The following SEMA3A variants were observed in gnomAD, a reference collection of about 807,000 sequenced individuals.
SEMA3A encodes semaphorin 3A.
SEMA3A carries 29 observed loss-of-function variants against 97.9 expected under a neutral mutation model. That is an observed-to-expected ratio of 0.30 (90% CI 0.22 to 0.40). The LOEUF is 0.40. Among genes scored for constraint, SEMA3A ranks in the 10% least tolerant of loss-of-function variants. SEMA3A has a pLI of 1.00. For missense variants in SEMA3A, 763 were observed against 951.3 expected, an observed-to-expected ratio of 0.80 and a Z score of 2.60; for synonymous variants, 321 against 323.7, an observed-to-expected ratio of 0.99 and a Z score of 0.09.
At chr7:84,071,771 G>A (rs1468562804) in intron 4 of SEMA3A, among the ~76,000 whole-genome samples, 3 of 151,950 alleles carry the variant, frequency 2.0e-5, no homozygotes, top group Non-Finnish European at 4.4e-5. Flanking sequence ...TTTTTTTAAA[G>A]GTGAGGGACA....
chr7:84,345,771 C>T (rs967092896), intron 2 of SEMA3A, among the ~76,000 whole-genome samples: 3 of 152,204 alleles, frequency 2.0e-5, no homozygotes, highest in Admixed American at 6.5e-5. Flanking sequence ...ACTTGCTCCA[C>T]GGAAGTCTTC....
chr7:84,064,426 C>T (rs1468406303), intron 4 of SEMA3A, among the ~76,000 whole-genome samples: 1 of 152,130 alleles, frequency 6.6e-6, no homozygotes, highest in Non-Finnish European at 1.5e-5. Flanking sequence ...ACAATATTAA[C>T]TTTAAATGTA....
chr7:84,434,281 G>C (rs1484697393), intron 1 of SEMA3A, among the ~76,000 whole-genome samples: 4 of 119,022 alleles, frequency 3.4e-5, no homozygotes, highest in Non-Finnish European at 5.1e-5. Context: ...TAACTTCCTG[G>C]AAACACACAC....
intron 14 of SEMA3A, 49 bp downstream of exon 14, chr7:83,981,272 A>AGAT: frequency 1.3e-6 from 2 of 1,591,514 alleles, no homozygotes; most frequent in Non-Finnish European, 1.7e-6. Context: ...ACTTGGAATC[A>AGAT]GATAGGATAA....
At chr7:83,997,727 T>C (rs928305650) in intron 12 of SEMA3A, among the ~76,000 whole-genome samples, 1 of 152,048 alleles carries the variant, frequency 6.6e-6, no homozygotes, top group Non-Finnish European at 1.5e-5. Context: ...TTGTTACAGA[T>C]TGATAATGAA....
chr7:84,229,421 G>A (rs1799066610), intron 3 of SEMA3A, among the ~76,000 whole-genome samples: 2 of 152,204 alleles, frequency 1.3e-5, no homozygotes, highest in East Asian at 3.9e-4. Context: ...TTTCCTTTGA[G>A]TTTCATTATC....
intron 1 of SEMA3A, among the ~76,000 whole-genome samples, chr7:84,424,486 TG>T (rs1562942348): frequency 2.4e-5 from 2 of 82,898 alleles, no homozygotes; most frequent in Non-Finnish European, 4.6e-5. Context: ...TATAATATAT[TG>T]ATATATAATA....
intron 1 of SEMA3A, among the ~76,000 whole-genome samples, chr7:84,484,132 GA>G (rs1806515108): frequency 6.6e-6 from 1 of 151,426 alleles, no homozygotes; most frequent in South Asian, 2.1e-4. Context: ...GACTAGTTAA[GA>G]AAAAAACAGT....
intron 3 of SEMA3A, among the ~76,000 whole-genome samples, chr7:84,279,177 T>C (rs948643106): frequency 2.6e-5 from 4 of 152,124 alleles, no homozygotes; most frequent in African/African-American, 9.7e-5. Flanking sequence ...AAGTACTTAC[T>C]GATTGCAAAG....
intron 12 of SEMA3A, among the ~76,000 whole-genome samples, chr7:83,997,666 G>A (rs1790273194): frequency 6.6e-6 from 1 of 151,908 alleles, no homozygotes; most frequent in Non-Finnish European, 1.5e-5. Context: ...AAATTGTAAA[G>A]TCCTAAACAA....
intron 2 of SEMA3A, among the ~76,000 whole-genome samples, chr7:84,327,757 C>T (rs934185898): frequency 6.6e-6 from 1 of 151,930 alleles, no homozygotes; most frequent in African/African-American, 2.4e-5. Flanking sequence ...AGTAATGTGG[C>T]ATTTCATCAG....
At chr7:84,084,166 C>G (rs779179579) in intron 4 of SEMA3A, among the ~76,000 whole-genome samples, 22 of 151,906 alleles carry the variant, frequency 1.4e-4, no homozygotes, top group Non-Finnish European at 2.9e-4. Context: ...ATGGAAGAAC[C>G]ATTTATAATT....
At chr7:84,286,182 T>C (rs1254416447) in intron 3 of SEMA3A, among the ~76,000 whole-genome samples, 2 of 152,092 alleles carry the variant, frequency 1.3e-5, no homozygotes, top group East Asian at 1.9e-4. Context: ...GACTTTTTAA[T>C]CTAAAGGAAG....
At chr7:84,301,782 T>A (rs1323239937) in intron 3 of SEMA3A, among the ~76,000 whole-genome samples, 1 of 152,176 alleles carries the variant, frequency 6.6e-6, no homozygotes, top group Non-Finnish European at 1.5e-5. Context: ...TTAAGTACTA[T>A]AGTTTGCAGA....
At chr7:84,295,630 C>T (rs1420048802) in intron 3 of SEMA3A, among the ~76,000 whole-genome samples, 1 of 151,882 alleles carries the variant, frequency 6.6e-6, no homozygotes, top group Non-Finnish European at 1.5e-5. Flanking sequence ...AAAATCTATT[C>T]TAAGTCTAAT....
At position 84,329,598 on chromosome 7, in the gene SEMA3A, A is replaced by G. The variant is rs991258343; in HGVS notation, c.-168-22306T>C. Among the ~76,000 whole-genome samples the G allele has an allele frequency of 2.6e-5, 4 of 152,072 alleles. No homozygotes were observed. In the East Asian group the frequency reaches 5.8e-4, roughly 22 times the overall value. On this transcript the variant is annotated intron_variant, in intron 2 of 3. Transcript: ENST00000424555. ...AATTTTAGGAAGGACACTCTCCCAG[A>G]GACCTAGAAGAAAGACTGAACAATT... is the stretch of plus-strand genomic sequence containing the variant.
intron 3 of SEMA3A, among the ~76,000 whole-genome samples, chr7:84,228,264 C>A (rs1385390068): frequency 6.6e-6 from 1 of 151,914 alleles, no homozygotes; most frequent in Non-Finnish European, 1.5e-5. Context: ...ATAATCTTAA[C>A]CAAGATTGAA....
At chr7:84,203,093 C>G (rs1377877305) in intron 3 of SEMA3A, among the ~76,000 whole-genome samples, 1 of 152,090 alleles carries the variant, frequency 6.6e-6, no homozygotes, top group African/African-American at 2.4e-5. Flanking sequence ...AATCTGCCTA[C>G]AGTTTGCATT....
chr7:84,491,698 T>C (rs896206981), intron 1 of SEMA3A, among the ~76,000 whole-genome samples: 3 of 152,140 alleles, frequency 2.0e-5, no homozygotes, highest in Non-Finnish European at 4.4e-5. Flanking sequence ...AGATCAAATC[T>C]GAACTTCAAG....
Sources: gnomAD v4.1 joint callset for allele counts (sites outside exome capture counted in the v4.1 genomes callset) on GRCh38, gnomAD v4.1.1 for gene constraint, MANE v1.5 for transcripts, NCBI Gene and HGNC (gene_info 2026-07-23, HGNC 2026-07-21) for gene names.